NFATC2: variants seen among roughly 807,000 people sequenced by gnomAD.
NFATC2 encodes nuclear factor of activated T cells 2.
NFATC2 carries 22 observed loss-of-function variants against 87.3 expected under a neutral mutation model. That is an observed-to-expected ratio of 0.25 (90% CI 0.18 to 0.36). NFATC2 has a LOEUF of 0.36. Ranked by LOEUF, NFATC2 falls within the 10% of genes least tolerant of loss-of-function variation. NFATC2 has a pLI of 1.00. For missense variants in NFATC2, 1,149 were observed against 1,259.1 expected (o/e 0.91, Z 1.32); for synonymous variants, 565 against 542.2 (o/e 1.04, Z -0.58).
At chr20:51,420,682 C>T (rs1167495156) in intron 9 of NFATC2, among the ~76,000 whole-genome samples, 3 of 152,114 alleles carry the variant, frequency 2.0e-5, no homozygotes, top group African/African-American at 4.8e-5. Flanking sequence ...CTTGGTCTGA[C>T]TCCCGACGCA....
chr20:51,418,252 T>G (rs73269905), intron 9 of NFATC2, among the ~76,000 whole-genome samples: 16,397 of 152,200 alleles, frequency 0.11, 2,314 homozygotes, highest in African/African-American at 0.32. Flanking sequence ...CACTCAATAT[T>G]ATAAAGCTGT....
chr20:51,402,582 A>G (rs1600663656), intron 9 of NFATC2, among the ~76,000 whole-genome samples: 2 of 152,340 alleles, frequency 1.3e-5, no homozygotes, highest in Middle Eastern at 6.8e-3. Context: ...ATCACAAATG[A>G]GATAATAAAA....
At chr20:51,532,326 C>G (rs1037424121) in intron 1 of NFATC2, among the ~76,000 whole-genome samples, 6 of 152,106 alleles carry the variant, frequency 3.9e-5, no homozygotes, top group Admixed American at 2.6e-4. Flanking sequence ...CCTCCACCCC[C>G]CTAACCACTA....
chr20:51,549,777 C>CG (rs1259180188), intron 1 of NFATC2, among the ~76,000 whole-genome samples: 1 of 152,164 alleles, frequency 6.6e-6, no homozygotes, highest in African/African-American at 2.4e-5. Flanking sequence ...GAGTAGCAGC[C>CG]GGGGCTCGCT....
At chr20:51,397,726 G>GGGGTTC (rs1251190680) in intron 10 of NFATC2, among the ~76,000 whole-genome samples, 1 of 152,180 alleles carries the variant, frequency 6.6e-6, no homozygotes, top group Non-Finnish European at 1.5e-5. Context: ...TAGGGAAGTA[G>GGGGTTC]GGGTTCATCT....
intron 1 of NFATC2, 142 bp downstream of exon 1, chr20:51,542,228 C>T: frequency 1.9e-6 from 2 of 1,070,686 alleles, no homozygotes; most frequent in Non-Finnish European, 2.5e-6. Context: ...CGCCTCCCCT[C>T]CCTGGCACCT....
At chr20:51,420,136 C>T (rs371214119) in intron 9 of NFATC2, among the ~76,000 whole-genome samples, 89 of 152,262 alleles carry the variant, frequency 5.8e-4, no homozygotes, top group African/African-American at 2.0e-3. Flanking sequence ...ATTCATCCTG[C>T]TTTTCCTATA....
intron 1 of NFATC2, among the ~76,000 whole-genome samples, chr20:51,549,110 A>G (rs1239020610): frequency 3.3e-5 from 5 of 152,106 alleles, no homozygotes; most frequent in African/African-American, 4.8e-5. Flanking sequence ...ATGTGTGACA[A>G]TTTCACCTGT....
At chr20:51,496,785 C>A (rs760333304) in intron 3 of NFATC2, among the ~76,000 whole-genome samples, 14 of 152,188 alleles carry the variant, frequency 9.2e-5, no homozygotes, top group Admixed American at 4.6e-4. Flanking sequence ...CTTTGTTCAA[C>A]CAATCCCCTT....
upstream of NFATC2, among the ~76,000 whole-genome samples, chr20:51,542,948 G>A (rs1003774075): frequency 6.6e-6 from 1 of 152,130 alleles, no homozygotes; most frequent in Non-Finnish European, 1.5e-5. Flanking sequence ...CCCTCCACGG[G>A]TGAGTGCGAC....
At chr20:51,492,662 G>C (rs1295091556) in intron 3 of NFATC2, among the ~76,000 whole-genome samples, 2 of 152,190 alleles carry the variant, frequency 1.3e-5, no homozygotes, top group Non-Finnish European at 2.9e-5. Context: ...ACTCCCACTG[G>C]CTAATGGGCT....
rs117284340 is a variant in NFATC2, at chr20:51,529,267, C to T, written c.131-5157G>A. Among the ~76,000 whole-genome samples the T allele has an allele frequency of 5.9e-5, 9 of 152,292 alleles. No homozygotes were observed. The East Asian group carries it at 1.5e-3, about 26-fold the overall frequency. On this transcript the variant is annotated intron_variant, in intron 1 of 10. Coordinates refer to ENST00000371564, the MANE Select transcript of NFATC2 (RefSeq NM_012340.5). ...GTCCTGAAAACACACATCACTCACA[C>T]TCCCTAGGAGCTCTGAAAAACAGAA...
intron 1 of NFATC2, among the ~76,000 whole-genome samples, chr20:51,525,947 C>T (rs1366262120): frequency 6.6e-6 from 1 of 150,596 alleles, no homozygotes; most frequent in Non-Finnish European, 1.5e-5. Flanking sequence ...CCACTTCTCC[C>T]CAAGCTGAGT....
At chr20:51,502,481 C>A (rs997477358) in intron 3 of NFATC2, among the ~76,000 whole-genome samples, 2 of 152,114 alleles carry the variant, frequency 1.3e-5, no homozygotes, top group Admixed American at 6.6e-5. Flanking sequence ...TGTTCCACTG[C>A]GCCCAGCTAA....
chr20:51,539,614 C>T (rs1378891238), intron 1 of NFATC2, among the ~76,000 whole-genome samples: 2 of 152,160 alleles, frequency 1.3e-5, no homozygotes, highest in African/African-American at 4.8e-5. Context: ...CTCCGAGTAG[C>T]TGGGAAGCTG....
chr20:51,539,539 A>G (rs921330903), intron 1 of NFATC2, among the ~76,000 whole-genome samples: 3 of 152,200 alleles, frequency 2.0e-5, no homozygotes, highest in Admixed American at 1.3e-4. Flanking sequence ...GCTGGAGTGC[A>G]GTGGCACGAT....
At chr20:51,417,682 T>C (rs1980237651) in intron 9 of NFATC2, among the ~76,000 whole-genome samples, 1 of 152,244 alleles carries the variant, frequency 6.6e-6, no homozygotes, top group Admixed American at 6.5e-5. Context: ...AGCCTTCCCC[T>C]TGCAGAGCAA....
intron 3 of NFATC2, among the ~76,000 whole-genome samples, chr20:51,479,117 T>C (rs1486651936): frequency 1.3e-5 from 2 of 149,524 alleles, no homozygotes; most frequent in African/African-American, 5.0e-5. Flanking sequence ...TCAGGGCTTT[T>C]TTTTTCCCCC....
intron 9 of NFATC2, among the ~76,000 whole-genome samples, chr20:51,424,409 G>C (rs555830720): frequency 6.6e-6 from 1 of 152,164 alleles, no homozygotes; most frequent in African/African-American, 2.4e-5. Flanking sequence ...ATGTCACTGC[G>C]GTTAGGGGAA....
Sources: gnomAD v4.1 joint callset for allele counts (sites outside exome capture counted in the v4.1 genomes callset) on GRCh38, gnomAD v4.1.1 for gene constraint, MANE v1.5 for transcripts, NCBI Gene and HGNC (gene_info 2026-07-23, HGNC 2026-07-21) for gene names.